The following MYCBP2 variants were observed in gnomAD, a reference collection of about 807,000 sequenced individuals.
The protein encoded by MYCBP2 is E3 ubiquitin-protein ligase MYCBP2.
A neutral mutation model predicts 525.3 loss-of-function variants in MYCBP2; 120 were observed. That is an observed-to-expected ratio of 0.23 (90% confidence interval 0.20 to 0.27). The LOEUF (loss-of-function observed/expected upper bound fraction) is 0.27, where lower values mean the gene tolerates loss of function less well. MYCBP2 is among the 10% of genes least tolerant of loss of function. The probability of loss-of-function intolerance (pLI) is 1.00; values close to 1 mark genes in which losing one functional copy is unlikely to be tolerated. For synonymous variants in MYCBP2, 1,894 were observed against 1,955.8 expected, an observed-to-expected ratio of 0.97 and a Z score of 0.83; for missense variants, 4,149 against 5,657.1, an observed-to-expected ratio of 0.73 and a Z score of 8.55.
At chr13:77,164,369 T>C (rs1334482392) in intron 43 of MYCBP2, 85 bp downstream of exon 43, 1 of 813,900 alleles carries the variant, frequency 1.2e-6, no homozygotes, top group African/African-American at 1.7e-5. Context: ...AAATTCATTT[T>C]GCAAATCTAT....
At chr13:77,257,133 C>T (rs1224595906) in intron 14 of MYCBP2, among the ~76,000 whole-genome samples, 2 of 151,632 alleles carry the variant, frequency 1.3e-5, no homozygotes, top group Non-Finnish European at 3.0e-5. Flanking sequence ...AGCCAGGCAC[C>T]GAAAGACCAA....
intron 55 of MYCBP2, among the ~76,000 whole-genome samples, chr13:77,117,034 GAT>G (rs2154152759): frequency 6.6e-6 from 1 of 152,048 alleles, no homozygotes; most frequent in East Asian, 1.9e-4. Flanking sequence ...GACTGATCCT[GAT>G]ATTTTTCCTT....
chr13:77,090,718 A>T (rs2045261045), intron 59 of MYCBP2: 1 of 152,248 alleles, frequency 6.6e-6, no homozygotes, highest in Non-Finnish European at 1.5e-5. Context: ...GAGGTTTCTC[A>T]CTCTTGGGAA....
chr13:77,322,833 T>C (rs1000243860), intron 1 of MYCBP2, among the ~76,000 whole-genome samples: 2 of 152,124 alleles, frequency 1.3e-5, no homozygotes, highest in Non-Finnish European at 2.9e-5. Flanking sequence ...CCTTCATACA[T>C]TTCCTGTCCA....
At chr13:77,213,532 T>C (rs937460499) in intron 21 of MYCBP2, among the ~76,000 whole-genome samples, 3 of 152,170 alleles carry the variant, frequency 2.0e-5, no homozygotes, top group Non-Finnish European at 4.4e-5. Flanking sequence ...CAGGGATATA[T>C]TCTGCTTTTG....
chr13:77,111,286 G>A (rs1386296606), intron 55 of MYCBP2, among the ~76,000 whole-genome samples: 1 of 151,918 alleles, frequency 6.6e-6, no homozygotes, highest in Admixed American at 6.6e-5. Flanking sequence ...TAGCCAACTG[G>A]AGCTAAGTCA....
intron 68 of MYCBP2, among the ~76,000 whole-genome samples, chr13:77,071,373 G>GTA (rs1013391355): frequency 2.0e-5 from 3 of 151,404 alleles, no homozygotes; most frequent in African/African-American, 7.3e-5. Context: ...TACTTTACAG[G>GTA]TAAGAAAACT....
At chr13:77,122,490 A>C (rs942543942) in intron 54 of MYCBP2, among the ~76,000 whole-genome samples, 2 of 152,040 alleles carry the variant, frequency 1.3e-5, no homozygotes, top group Non-Finnish European at 2.9e-5. Context: ...TCACGAGGTC[A>C]GGAGATCGAG....
intron 59 of MYCBP2, among the ~76,000 whole-genome samples, chr13:77,091,571 G>A (rs926838956): frequency 4.6e-5 from 7 of 152,100 alleles, no homozygotes; most frequent in African/African-American, 1.7e-4. Flanking sequence ...CTGTAGGATG[G>A]TTAGCAACAT....
chr13:77,089,677 G>T (rs1356160601), intron 60 of MYCBP2, among the ~76,000 whole-genome samples: 2 of 150,684 alleles, frequency 1.3e-5, no homozygotes, highest in African/African-American at 4.9e-5. Context: ...TCGATTAAGG[G>T]CTATTTATAT....
At chr13:77,176,767 G>A (rs1456520750) in intron 35 of MYCBP2, 139 bp from the exon 36 acceptor site, 19 of 612,758 alleles carry the variant, frequency 3.1e-5, no homozygotes, top group Non-Finnish European at 1.4e-5. Context: ...CCATACATAT[G>A]AAAGAAAAAG....
At chr13:77,243,539 G>A (rs2069257726) in intron 16 of MYCBP2, among the ~76,000 whole-genome samples, 1 of 151,164 alleles carries the variant, frequency 6.6e-6, no homozygotes, top group Non-Finnish European at 1.5e-5. Flanking sequence ...CTTGAACCTA[G>A]AAGGCGGAGG....
rs949399803 is a variant in MYCBP2 at position 77,243,634 on chromosome 13, A to G, written c.2527+172T>C. On this transcript the variant is annotated intron_variant, in intron 16 of 82. Transcript: ENST00000544440. ...TCTCAAAAAAAGAAAAAAAAAAAAA[A>G]GAATCTCATCCCTTAAACAATGTCA... 2.0e-5 allele frequency among the ~76,000 whole-genome samples: 3 copies of G among 151,866 alleles called. No individual in the cohort carries two copies. The East Asian group carries it at 5.8e-4, about 29-fold the overall frequency.
At chr13:77,255,712 G>C (rs2072063970) in intron 14 of MYCBP2, among the ~76,000 whole-genome samples, 2 of 151,686 alleles carry the variant, frequency 1.3e-5, no homozygotes, top group African/African-American at 4.8e-5. Context: ...CATTTTTAAA[G>C]TGATGCATTT....
At chr13:77,311,576 T>TG (rs1555478500) in intron 1 of MYCBP2, among the ~76,000 whole-genome samples, 1 of 147,906 alleles carries the variant, frequency 6.8e-6, no homozygotes, top group African/African-American at 2.6e-5. Context: ...TTTTTTTTTT[T>TG]TTGTTTTTTT....
chr13:77,166,659 C>T (rs1415188313), intron 40 of MYCBP2, 105 bp from the exon 41 acceptor site: 1 of 658,148 alleles, frequency 1.5e-6, no homozygotes, highest in Non-Finnish European at 2.4e-6. Context: ...TTAAATGACA[C>T]AACAGGATAA....
At chr13:77,109,002 T>TA (rs1376671067) in intron 55 of MYCBP2, among the ~76,000 whole-genome samples, 1 of 152,168 alleles carries the variant, frequency 6.6e-6, no homozygotes, top group Non-Finnish European at 1.5e-5. Flanking sequence ...CAGGATAAGA[T>TA]ACTTTTAAAG....
chr13:77,170,679 C>T (rs1241180872), intron 38 of MYCBP2, among the ~76,000 whole-genome samples: 1 of 151,202 alleles, frequency 6.6e-6, no homozygotes, highest in Non-Finnish European at 1.5e-5. Context: ...TGGGTTCAAG[C>T]GATTCTCCTG....
intron 23 of MYCBP2, among the ~76,000 whole-genome samples, chr13:77,209,305 T>TA (rs1211310168): frequency 3.3e-5 from 5 of 152,252 alleles, no homozygotes; most frequent in Non-Finnish European, 4.4e-5. Flanking sequence ...TTTTTACTGT[T>TA]ACGCTTAGTT....
Sources: gnomAD v4.1 joint callset for allele counts (sites outside exome capture counted in the v4.1 genomes callset) on GRCh38, gnomAD v4.1.1 for gene constraint, MANE v1.5 for transcripts, NCBI Gene and HGNC (gene_info 2026-07-23, HGNC 2026-07-21) for gene names.